The following RYR3 variants were observed in gnomAD, a reference collection of about 807,000 sequenced individuals.
RYR3 encodes brain ryanodine receptor-calcium release channel.
In RYR3, 207 loss-of-function variants were observed where a neutral mutation model predicts 584.3. The observed-to-expected ratio is 0.35, with a 90% CI of 0.32 to 0.40. The LOEUF (loss-of-function observed/expected upper bound fraction) is 0.40. Ranked by LOEUF, RYR3 falls within the 10% of genes least tolerant of loss-of-function variation. The pLI is 1.00. For synonymous variants in RYR3, 2,416 were observed against 2,248.5 expected (o/e 1.07, Z -2.11); for missense variants, 5,616 against 6,089.2 (o/e 0.92, Z 2.59).
intron 3 of RYR3, among the ~76,000 whole-genome samples, chr15:33,519,217 ACT>A (rs1402031113): frequency 1.3e-5 from 2 of 151,776 alleles, no homozygotes; most frequent in Non-Finnish European, 2.9e-5. Flanking sequence ...TGGGCTGGAA[ACT>A]CTTCTTCTGA....
At chr15:33,818,515 A>G (rs942379241) in intron 75 of RYR3, 63 bp from the exon 76 acceptor site, 5 of 1,230,182 alleles carry the variant, frequency 4.1e-6, no homozygotes, top group African/African-American at 3.0e-5. Flanking sequence ...CTTTGTTCGC[A>G]TGCCAGTCAC....
At chr15:33,859,484 CA>C in intron 99 of RYR3, 90 bp from the exon 100 acceptor site, 1 of 1,473,196 alleles carries the variant, frequency 6.8e-7, no homozygotes, top group Non-Finnish European at 9.4e-7. Context: ...AGGGCTGCCA[CA>C]ATCTGACCGA....
chr15:33,750,730 T>C (rs111716870), intron 57 of RYR3, among the ~76,000 whole-genome samples: 5,700 of 144,278 alleles, frequency 0.04, 163 homozygotes, highest in Non-Finnish European at 0.059. Context: ...CCCTAGATAT[T>C]TTTTTATTAT....
chr15:33,732,395 A>G (rs2069044269), intron 48 of RYR3, among the ~76,000 whole-genome samples: 1 of 151,676 alleles, frequency 6.6e-6, no homozygotes. Context: ...CTCAAAAAAA[A>G]AAAAAAAGCG....
chr15:33,372,797 C>T lies in RYR3; in HGVS notation c.51+61701C>T, dbSNP rs1009666906. Among the ~76,000 whole-genome samples, 18 of 152,312 alleles carry T rather than the reference C, an allele frequency of 1.2e-4. No individual in the cohort carries two copies. In the South Asian group the frequency reaches 2.1e-3, roughly 18 times the overall value. ...CTAGGATTATAGGCGTGAGCCATAG[C>T]GCCCTGCCCATAAAGCTTTGACTCT... On this transcript the variant is annotated intron_variant, in intron 1 of 103. Transcript: ENST00000634891.
chr15:33,569,020 T>C (rs558089491), intron 12 of RYR3, among the ~76,000 whole-genome samples: 9 of 152,004 alleles, frequency 5.9e-5, no homozygotes, highest in Non-Finnish European at 1.3e-4. Context: ...AAGAGTATTC[T>C]TGTGTGTGTG....
chr15:33,401,555 A>T (rs12910838), intron 1 of RYR3, among the ~76,000 whole-genome samples: 9,539 of 152,268 alleles, frequency 0.063, 407 homozygotes, highest in Non-Finnish European at 0.089. Context: ...CTGTAGAATA[A>T]TTTTTTACAT....
chr15:33,858,205 C>A (rs538913626), intron 99 of RYR3: 89 of 328,486 alleles, frequency 2.7e-4, no homozygotes, highest in South Asian at 7.2e-4. Context: ...AAAGATGAGA[C>A]ATTATTTTAT....
At chr15:33,389,991 G>A (rs1010878231) in intron 1 of RYR3, among the ~76,000 whole-genome samples, 3 of 152,154 alleles carry the variant, frequency 2.0e-5, no homozygotes, top group African/African-American at 7.2e-5. Context: ...AATGAAGAGG[G>A]CCATGTATTT....
chr15:33,761,111 G>A, intron 60 of RYR3, among the ~76,000 whole-genome samples: 1 of 152,112 alleles, frequency 6.6e-6, no homozygotes, highest in East Asian at 1.9e-4. Context: ...ATGTTTAGAG[G>A]GAAATTTATA....
chr15:33,540,583 CTG>C (rs2141146447), intron 6 of RYR3, among the ~76,000 whole-genome samples: 1 of 152,310 alleles, frequency 6.6e-6, no homozygotes, highest in South Asian at 2.1e-4. Context: ...TCTGCCATCT[CTG>C]TAGCTGAATA....
Position 33,738,330 on chromosome 15 carries a change from G to GT in RYR3, c.7516-117dup. ...GGGCCTCTTTGTAGACAGCCCAGCT[G>GT]TTTCGCATGTTTCATTCTCATGGTC... is the stretch of plus-strand genomic sequence containing the variant. On this transcript the variant is annotated intron_variant, in intron 49 of 103. Transcript: ENST00000634891. 3.0e-6 allele frequency: 3 copies of GT among 1,010,820 alleles called. No homozygotes were observed. The South Asian group carries it at 5.0e-5, about 17-fold the overall frequency. 62.6% of individuals were successfully genotyped at this position (1,010,820 alleles called of 1,614,324 possible). A position where few individuals can be genotyped will look rare whatever the true frequency, so the allele number is the denominator to read the frequency against.
chr15:33,549,434 TA>T (rs2056506217), intron 9 of RYR3, among the ~76,000 whole-genome samples: 1 of 152,216 alleles, frequency 6.6e-6, no homozygotes, highest in Non-Finnish European at 1.5e-5. Flanking sequence ...CTTATATTCT[TA>T]AGAGATAAGT....
intron 1 of RYR3, among the ~76,000 whole-genome samples, chr15:33,349,302 C>T (rs934337847): frequency 1.5e-4 from 23 of 152,052 alleles, no homozygotes; most frequent in African/African-American, 1.2e-4. Flanking sequence ...TTCCTAGGAG[C>T]GTGAATGCTA....
intron 15 of RYR3, 135 bp from the exon 16 acceptor site, chr15:33,585,863 A>T: frequency 1.7e-6 from 1 of 599,064 alleles, no homozygotes; most frequent in Non-Finnish European, 3.0e-6. Flanking sequence ...TTCTGGCTGG[A>T]AAGATTTGAT....
intron 12 of RYR3, 64 bp from the exon 13 acceptor site, chr15:33,579,912 T>G: frequency 3.0e-6 from 4 of 1,349,162 alleles, no homozygotes; most frequent in Non-Finnish European, 4.1e-6. Context: ...TGGGACCCAG[T>G]GGGTGTTCAT....
chr15:33,595,527 C>T (rs2059329404), intron 16 of RYR3, among the ~76,000 whole-genome samples: 1 of 152,060 alleles, frequency 6.6e-6, no homozygotes, highest in African/African-American at 2.4e-5. Context: ...TCAAAATTGG[C>T]CCACCTTACA....
In RYR3 at chr15:33,407,000, C is replaced by T. The variant is rs377398620; in HGVS notation, c.52-66419C>T. ...GGCAAGTCCAGAATCAAGGCATTGG[C>T]AGGAATGGTATCTGGTGAAGATTGC... On this transcript the variant is annotated intron_variant, in intron 1 of 103. Transcript: ENST00000634891. Among the ~76,000 whole-genome samples, 216 of 152,270 alleles carry T rather than the reference C, an allele frequency of 1.4e-3. 4 individuals carry two copies. The South Asian group carries it at 0.038, about 27-fold the overall frequency.
chr15:33,622,105 C>T (rs779122944), intron 19 of RYR3, among the ~76,000 whole-genome samples: 1 of 152,180 alleles, frequency 6.6e-6, no homozygotes, highest in Non-Finnish European at 1.5e-5. Flanking sequence ...AAGAGTCTCC[C>T]AATTGGTCCC....
Sources: gnomAD v4.1 joint callset for allele counts (sites outside exome capture counted in the v4.1 genomes callset) on GRCh38, gnomAD v4.1.1 for gene constraint, MANE v1.5 for transcripts, NCBI Gene and HGNC (gene_info 2026-07-23, HGNC 2026-07-21) for gene names.